Variants in KAZN observed in about 807,000 individuals in gnomAD.
KAZN encodes the protein kazrin, periplakin interacting protein.
Under a neutral mutation model 87.4 loss-of-function variants are expected in KAZN, and 40 were observed. The ratio of observed to expected loss-of-function variants is 0.46; its 90% CI spans 0.36 to 0.60. The LOEUF is 0.60. Ranked by LOEUF, KAZN falls within the 20% of genes least tolerant of loss-of-function variation. The pLI, the probability that KAZN is intolerant of heterozygous loss-of-function variation, is 0.00. For missense variants in KAZN, 898 were observed against 1,073.9 expected, an observed-to-expected ratio of 0.84 and a Z score of 2.29; for synonymous variants, 466 against 458.3, an observed-to-expected ratio of 1.02 and a Z score of -0.22.
At chr1:14,876,846 C>T (rs1395677502) in intron 1 of KAZN, among the ~76,000 whole-genome samples, 2 of 152,128 alleles carry the variant, frequency 1.3e-5, no homozygotes, top group African/African-American at 4.8e-5. Flanking sequence ...TCTTGTCTTA[C>T]CACTTAGAAT....
intron 8 of KAZN, 51 bp downstream of exon 8, chr1:15,065,804 C>T (rs376090885): frequency 1.3e-6 from 2 of 1,597,656 alleles, no homozygotes; most frequent in African/African-American, 2.7e-5. Flanking sequence ...GTGATACGCG[C>T]TCCCCTGCGC....
chr1:14,485,296 A>G (rs1010530828), intron 2 of KAZN, among the ~76,000 whole-genome samples: 3 of 152,194 alleles, frequency 2.0e-5, no homozygotes, highest in Admixed American at 6.5e-5. Context: ...ACATCTTAAA[A>G]GCTTGTCCAA....
chr1:14,549,272 A>T (rs2148508472), intron 2 of KAZN, among the ~76,000 whole-genome samples: 1 of 152,288 alleles, frequency 6.6e-6, no homozygotes, highest in South Asian at 2.1e-4. Flanking sequence ...TCCTTCACAG[A>T]ATCCAGAATT....
chr1:15,077,968 G>A lies in KAZN; in HGVS notation c.1222+12215G>A, dbSNP rs1639833646. On this transcript the variant is annotated intron_variant, in intron 8 of 14. Coordinates refer to ENST00000376030, the MANE Select transcript of KAZN (RefSeq NM_201628.3). The surrounding 1 kb of genome is among the most constrained non-coding windows in gnomAD (Gnocchi z 4.8). ...GTCTTTCAACGAACACTGACTGAAT[G>A]TTTCCTATATGCCAGGTTTAGGGCT... Among the ~76,000 whole-genome samples the A allele has an allele frequency of 6.6e-6, 1 of 152,178 alleles. No homozygotes were observed. The highest frequency in any genetic ancestry group is 1.5e-5 in the Non-Finnish European group (1 of 68,040).
intron 1 of KAZN, among the ~76,000 whole-genome samples, chr1:14,157,621 A>G (rs1645622908): frequency 6.6e-6 from 1 of 151,990 alleles, no homozygotes; most frequent in Admixed American, 6.6e-5. Flanking sequence ...ATTGTATGTT[A>G]TTTATTTCTT....
chr1:14,881,220 G>T (rs116415432), intron 1 of KAZN, among the ~76,000 whole-genome samples: 1,817 of 152,304 alleles, frequency 0.012, 38 homozygotes, highest in African/African-American at 0.041. Flanking sequence ...GTAAATTCTC[G>T]CATGATAAGC....
At position 14,367,128 on chromosome 1, in the gene KAZN, C is replaced by A. The variant is rs528657704; in HGVS notation, c.249+186536C>A. Among the ~76,000 whole-genome samples, 8 of 152,272 alleles carry A rather than the reference C, an allele frequency of 5.3e-5. No homozygotes were observed. The East Asian group carries it at 1.4e-3, about 26-fold the overall frequency. ...CCTGTAATCCCAGCTACTTGGGAGG[C>A]TGAGGCAGGAGAACTGCTTGAACAC... is the stretch of plus-strand genomic sequence containing the variant. On this transcript the variant is annotated intron_variant, in intron 2 of 16. Transcript: ENST00000636203.
chr1:14,603,768 A>G (rs1345992985), intron 1 of KAZN, among the ~76,000 whole-genome samples: 1 of 152,034 alleles, frequency 6.6e-6, no homozygotes, highest in Non-Finnish European at 1.5e-5. Flanking sequence ...GACTGTTGGC[A>G]CTTTTTAGGA....
chr1:14,190,565 C>T (rs556892401), intron 2 of KAZN, among the ~76,000 whole-genome samples: 1 of 152,250 alleles, frequency 6.6e-6, no homozygotes, highest in South Asian at 2.1e-4. Context: ...CTGAACTGGC[C>T]TATACTTTTC....
rs766868455 is a variant in KAZN at position 15,114,663 on chromosome 1, G to A, written c.*28G>A. On this transcript the variant is annotated 3_prime_UTR_variant, in exon 15 of 15. Transcript: ENST00000376030. ...AACTGGTGGCTCCACCAGACCCAAC[G>A]TGAGAGACCCAGGAAGGAAGAGAAG... The A allele has an allele frequency of 1.7e-5, 26 of 1,559,062 alleles. No individual in the cohort carries two copies. The highest frequency in any genetic ancestry group is 5.9e-5 in the South Asian group (5 of 84,342).
At chr1:14,391,776 G>A (rs1321476023) in intron 2 of KAZN, among the ~76,000 whole-genome samples, 3 of 152,144 alleles carry the variant, frequency 2.0e-5, no homozygotes, top group Non-Finnish European at 4.4e-5. Context: ...TATTCTCTTT[G>A]TGCTGGGGGC....
intron 1 of KAZN, among the ~76,000 whole-genome samples, chr1:14,136,591 C>A (rs1381500339): frequency 6.7e-6 from 1 of 149,102 alleles, no homozygotes; most frequent in Non-Finnish European, 1.5e-5. Context: ...AAAGAGCTTC[C>A]CAGCAGAGGT....
intron 1 of KAZN, among the ~76,000 whole-genome samples, chr1:14,007,015 G>A (rs1200328221): frequency 6.6e-6 from 1 of 151,976 alleles, no homozygotes; most frequent in Non-Finnish European, 1.5e-5. Flanking sequence ...TTTCCTCAAT[G>A]TTTTATTGTT....
rs1049377004 is a variant in KAZN, at chr1:14,384,800, G to A, written c.249+204208G>A. ...CTCTTTTTTGGTTGTGTCTCTGCCC[G>A]GCTTTGGTATCAGGATGATGCTGGC... On this transcript the variant is annotated intron_variant, in intron 2 of 16. Coordinates refer to the KAZN transcript ENST00000636203. Among the ~76,000 whole-genome samples the A allele has an allele frequency of 6.8e-4, 103 of 151,880 alleles. 1 individual carries two copies. Among genetic ancestry groups the A allele is most frequent in the Non-Finnish European group, 1.2e-3 (79 of 68,000 alleles).
chr1:15,009,468 G>A (rs1437033772), intron 2 of KAZN, among the ~76,000 whole-genome samples: 1 of 152,222 alleles, frequency 6.6e-6, no homozygotes, highest in African/African-American at 2.4e-5. Context: ...TTGCACACAT[G>A]GCACCCCTTG....
chr1:14,459,794 G>A (rs1269936244), intron 2 of KAZN, among the ~76,000 whole-genome samples: 1 of 152,166 alleles, frequency 6.6e-6, no homozygotes, highest in Non-Finnish European at 1.5e-5. Context: ...TCTGTAAACA[G>A]AATCATTGGG....
Position 14,931,240 on chromosome 1 carries a change from C to T in KAZN, c.227-29444C>T, listed in dbSNP as rs143107351. 4.0e-3 allele frequency among the ~76,000 whole-genome samples: 606 copies of T among 151,884 alleles called. 5 individuals carry two copies. The highest frequency in any genetic ancestry group is 0.014 in the South Asian group (67 of 4,770). ...GCACTTGAGGTCAGGAGTTCAGGACCAGCCTGGGCAACATGGTGAAACCCC... is the reference window on the plus strand; with the variant it reads ...GCACTTGAGGTCAGGAGTTCAGGACTAGCCTGGGCAACATGGTGAAACCCC... On this transcript the variant is annotated intron_variant, in intron 1 of 14. Transcript: ENST00000376030.
intron 8 of KAZN, 22 bp downstream of exon 8, chr1:15,065,775 T>C (rs761164699): frequency 1.2e-5 from 20 of 1,613,208 alleles, no homozygotes; most frequent in South Asian, 2.2e-5. Flanking sequence ...GATTATTACA[T>C]AGAGGAGGAC....
intron 2 of KAZN, among the ~76,000 whole-genome samples, chr1:15,012,364 A>G (rs1400527208): frequency 6.6e-6 from 1 of 152,142 alleles, no homozygotes; most frequent in Non-Finnish European, 1.5e-5. Context: ...TCAGTGTTAG[A>G]AAAGTTATAC....
Sources: gnomAD v4.1 joint callset for allele counts (sites outside exome capture counted in the v4.1 genomes callset) on GRCh38, gnomAD v4.1.1 for gene constraint, Gnocchi (gnomAD v3.1) non-coding constraint, MANE v1.5 for transcripts, NCBI Gene and HGNC (gene_info 2026-07-23, HGNC 2026-07-21) for gene names.